The following ALK variants were observed in gnomAD, a reference collection of about 807,000 sequenced individuals.
ALK encodes ALK receptor tyrosine kinase, also known as ALK tyrosine kinase receptor.
ALK carries 74 observed loss-of-function variants against 163.1 expected under a neutral mutation model. That is an observed-to-expected ratio of 0.45 (90% confidence interval 0.38 to 0.55). The LOEUF is 0.55. Among genes scored for constraint, ALK ranks in the 20% least tolerant of loss-of-function variants. The pLI is 0.00. For missense variants in ALK, 2,063 were observed against 2,105.3 expected, an observed-to-expected ratio of 0.98 and a Z score of 0.39; for synonymous variants, 960 against 843.2, an observed-to-expected ratio of 1.14 and a Z score of -2.40.
At chr2:29,797,971 T>G (rs1260032839) in intron 1 of ALK, among the ~76,000 whole-genome samples, 1 of 152,096 alleles carries the variant, frequency 6.6e-6, no homozygotes, top group East Asian at 1.9e-4. Flanking sequence ...CACGGGGTGG[T>G]AAGCTCCATA....
chr2:29,408,881 A>G (rs1462320405), intron 4 of ALK, among the ~76,000 whole-genome samples: 2 of 152,232 alleles, frequency 1.3e-5, no homozygotes, highest in Non-Finnish European at 2.9e-5. Flanking sequence ...AAACCAGATC[A>G]AGAAAAGAAC....
At chr2:29,820,844 G>A (rs1434947607) in intron 1 of ALK, among the ~76,000 whole-genome samples, 1 of 152,196 alleles carries the variant, frequency 6.6e-6, no homozygotes, top group Non-Finnish European at 1.5e-5. Context: ...CAGAGAGCTG[G>A]AGCTACTGCT....
chr2:29,216,571 A>ACAGT (rs200060717), intron 23 of ALK, among the ~76,000 whole-genome samples: 1 of 152,074 alleles, frequency 6.6e-6, no homozygotes, highest in East Asian at 1.9e-4. Context: ...CACAGGGCAG[A>ACAGT]CAGTCAGCAA....
intron 1 of ALK, among the ~76,000 whole-genome samples, chr2:29,796,678 C>T (rs552443965): frequency 3.7e-4 from 57 of 152,158 alleles, no homozygotes; most frequent in African/African-American, 1.1e-3. Flanking sequence ...TGTTTAAACT[C>T]GTTTCTTTTC....
intron 3 of ALK, among the ~76,000 whole-genome samples, chr2:29,594,896 G>T (rs1192445604): frequency 1.1e-5 from 1 of 88,582 alleles, no homozygotes; most frequent in African/African-American, 4.6e-5. Context: ...AACAAAAATG[G>T]GGGGTGGGGG....
intron 1 of ALK, among the ~76,000 whole-genome samples, chr2:29,918,178 C>T (rs778296807): frequency 2.0e-5 from 3 of 152,164 alleles, no homozygotes; most frequent in Non-Finnish European, 4.4e-5. Flanking sequence ...TTGGCAGGTT[C>T]GGGGCTGTAG....
chr2:29,314,710 C>T (rs982843715), intron 8 of ALK, among the ~76,000 whole-genome samples: 2 of 152,162 alleles, frequency 1.3e-5, no homozygotes. Context: ...TTTCTCCTTG[C>T]AGGCCCAGAA....
intron 3 of ALK, among the ~76,000 whole-genome samples, chr2:29,547,476 A>C (rs1372959266): frequency 2.0e-5 from 3 of 152,190 alleles, no homozygotes; most frequent in Non-Finnish European, 1.5e-5. Flanking sequence ...GTGCGCCTGT[A>C]GTCCTAGGTA....
At chr2:29,198,532 T>G (rs577189619) in intron 26 of ALK, among the ~76,000 whole-genome samples, 14 of 152,316 alleles carry the variant, frequency 9.2e-5, no homozygotes, top group African/African-American at 3.4e-4. Context: ...ATTACTGAAT[T>G]AAAATGTAGG....
intron 3 of ALK, among the ~76,000 whole-genome samples, chr2:29,540,685 C>T (rs1673391344): frequency 6.6e-6 from 1 of 151,240 alleles, no homozygotes; most frequent in Non-Finnish European, 1.5e-5. Flanking sequence ...TATTTTCTCA[C>T]AATGTAGACT....
At chr2:29,556,867 T>A (rs1393335413) in intron 3 of ALK, among the ~76,000 whole-genome samples, 1 of 152,232 alleles carries the variant, frequency 6.6e-6, no homozygotes, top group African/African-American at 2.4e-5. Context: ...GTCTGTGTCA[T>A]AAGCTGTAAA....
chr2:29,405,205 T>C (rs976785099), intron 4 of ALK, among the ~76,000 whole-genome samples: 1 of 152,186 alleles, frequency 6.6e-6, no homozygotes, highest in African/African-American at 2.4e-5. Context: ...CATTAAAGAT[T>C]AATGAGAGGC....
At chr2:29,592,091 G>C (rs1675075392) in intron 3 of ALK, among the ~76,000 whole-genome samples, 2 of 152,120 alleles carry the variant, frequency 1.3e-5, no homozygotes, top group South Asian at 4.1e-4. Flanking sequence ...GAGGGGCCTG[G>C]GGGATGGAGT....
rs568614935 is a variant in ALK, at chr2:29,857,071, A to C, written c.667+62922T>G. 5.9e-5 allele frequency among the ~76,000 whole-genome samples: 9 copies of C among 152,342 alleles called. No individual in the cohort carries two copies. In the South Asian group the frequency reaches 1.2e-3, roughly 21 times the overall value. On this transcript the variant is annotated intron_variant, in intron 1 of 28. Coordinates refer to ENST00000389048, the MANE Select transcript of ALK (RefSeq NM_004304.5). ...AAACATCCGGAGGAGGCGAATGTGC[A>C]TGTCTGTGGAGTTAGAACTGGGCTC...
At chr2:29,855,227 C>G (rs956310800) in intron 1 of ALK, among the ~76,000 whole-genome samples, 2 of 152,188 alleles carry the variant, frequency 1.3e-5, no homozygotes, top group Non-Finnish European at 2.9e-5. Context: ...ATCTTCACAG[C>G]CTCCCTATGG....
chr2:29,419,648 A>G (rs974435658), intron 4 of ALK, among the ~76,000 whole-genome samples: 1 of 151,558 alleles, frequency 6.6e-6, no homozygotes, highest in Admixed American at 6.6e-5. Context: ...TCTATGAAGA[A>G]GTTTGGTTTT....
At chr2:29,859,079 T>G (rs1666217680) in intron 1 of ALK, among the ~76,000 whole-genome samples, 1 of 152,058 alleles carries the variant, frequency 6.6e-6, no homozygotes, top group African/African-American at 2.4e-5. Context: ...CTGACCCAGT[T>G]GATCTTCCAG....
At position 29,532,016 on chromosome 2, in the gene ALK, C is replaced by T. The variant is rs2148158654; in HGVS notation, c.1053G>A (p.Val351=). 6.2e-7 allele frequency: 1 copy of T among 1,614,148 alleles called. No individual in the cohort carries two copies. The highest frequency in any genetic ancestry group is 8.5e-7 in the Non-Finnish European group (1 of 1,180,020). Residue 351 remains valine, a synonymous_variant, in exon 4 of 29, where the codon GTG becomes GTA. Coordinates refer to ENST00000389048, the MANE Select transcript of ALK (RefSeq NM_004304.5). The part of the protein sequence containing the change: ...SSEHCTLAVS[V]HRHLQPSGRY... ...TTCCAGAGGGCTGCAGGTGCCTGTG[C>T]ACCGAGACGGCCAGTGTGCAGTGCT...
At chr2:29,898,140 C>T (rs1421529145) in intron 1 of ALK, among the ~76,000 whole-genome samples, 1 of 152,252 alleles carries the variant, frequency 6.6e-6, no homozygotes, top group Non-Finnish European at 1.5e-5. Flanking sequence ...GGCCTCAGGG[C>T]CTCTCTTTCC....
Sources: gnomAD v4.1 joint callset for allele counts (sites outside exome capture counted in the v4.1 genomes callset) on GRCh38, gnomAD v4.1.1 for gene constraint, MANE v1.5 for transcripts, NCBI Gene and HGNC (gene_info 2026-07-23, HGNC 2026-07-21) for gene names.